FHIT: variants seen among roughly 807,000 people sequenced by gnomAD.
FHIT encodes the protein fragile histidine triad diadenosine triphosphatase.
In FHIT, 19 loss-of-function variants were observed where a neutral mutation model predicts 17.9. The ratio of observed to expected loss-of-function variants is 1.06; its 90% CI spans 0.74 to 1.56. FHIT has a LOEUF of 1.56. Among genes scored for constraint, FHIT ranks in the 40% most tolerant of loss-of-function variants. FHIT has a pLI of 0.00. For missense variants in FHIT, 248 were observed against 189.2 expected (o/e 1.31, Z -1.82); for synonymous variants, 81 against 69.7 (o/e 1.16, Z -0.81).
intron 7 of FHIT, among the ~76,000 whole-genome samples, chr3:59,942,466 G>A (rs1472055949): frequency 6.6e-6 from 1 of 152,112 alleles, no homozygotes; most frequent in African/African-American, 2.4e-5. Flanking sequence ...CCAAGAGTGA[G>A]GTTGGTAAAA....
intron 3 of FHIT, among the ~76,000 whole-genome samples, chr3:60,980,265 C>A (rs1311266817): frequency 6.6e-6 from 1 of 152,194 alleles, no homozygotes; most frequent in East Asian, 1.9e-4. Flanking sequence ...AACACAACAT[C>A]TTTTCTGTCC....
At chr3:59,968,093 T>C (rs998600621) in intron 7 of FHIT, among the ~76,000 whole-genome samples, 6 of 152,010 alleles carry the variant, frequency 3.9e-5, no homozygotes, top group Non-Finnish European at 7.4e-5. Context: ...TTTACCAATA[T>C]GGAGGAACAC....
intron 5 of FHIT, among the ~76,000 whole-genome samples, chr3:60,085,061 G>A (rs1032341568): frequency 5.0e-4 from 76 of 152,080 alleles, no homozygotes; most frequent in African/African-American, 1.6e-3. Flanking sequence ...GCTCCCTGTC[G>A]CCATGTTTGT....
intron 5 of FHIT, among the ~76,000 whole-genome samples, chr3:60,440,252 G>C (rs1002112923): frequency 6.6e-6 from 1 of 152,042 alleles, no homozygotes; most frequent in Non-Finnish European, 1.5e-5. Flanking sequence ...CCAGTCATCA[G>C]TTCCCAAGAC....
chr3:61,162,135 T>A (rs148862961), intron 2 of FHIT, among the ~76,000 whole-genome samples: 1 of 152,220 alleles, frequency 6.6e-6, no homozygotes. Flanking sequence ...CAAATGATTA[T>A]CCTTCTTTTA....
At chr3:60,493,543 T>C (rs554520030) in intron 5 of FHIT, among the ~76,000 whole-genome samples, 2 of 152,322 alleles carry the variant, frequency 1.3e-5, no homozygotes, top group East Asian at 3.9e-4. Context: ...TAAAGAAGTG[T>C]GCTTACATTT....
At chr3:61,014,045 C>T (rs2031940761) in intron 3 of FHIT, among the ~76,000 whole-genome samples, 1 of 152,066 alleles carries the variant, frequency 6.6e-6, no homozygotes, top group Admixed American at 6.5e-5. Flanking sequence ...AGAAGAATCA[C>T]AGGAAGGGAT....
At chr3:60,521,906 G>A (rs2035382605) in intron 5 of FHIT, among the ~76,000 whole-genome samples, 1 of 152,102 alleles carries the variant, frequency 6.6e-6, no homozygotes. Flanking sequence ...ACAGGACTGA[G>A]AGAGCCTTGT....
chr3:60,017,360 A>G (rs1700382765), intron 5 of FHIT, among the ~76,000 whole-genome samples: 1 of 152,154 alleles, frequency 6.6e-6, no homozygotes, highest in African/African-American at 2.4e-5. Context: ...AAGGGGGGAG[A>G]GTACCAGCTT....
At chr3:60,956,759 A>T (rs34894181) in intron 3 of FHIT, among the ~76,000 whole-genome samples, 29,347 of 152,224 alleles carry the variant, frequency 0.19, 3,255 homozygotes, top group Middle Eastern at 0.29. Flanking sequence ...TACAACAAAG[A>T]GAACTCATGC....
intron 2 of FHIT, among the ~76,000 whole-genome samples, chr3:61,193,059 C>T (rs1283976919): frequency 6.6e-6 from 1 of 152,202 alleles, no homozygotes; most frequent in Non-Finnish European, 1.5e-5. Context: ...CCACCAATCC[C>T]CTAAATCCAG....
chr3:60,053,440 G>A (rs1380218020), intron 5 of FHIT, among the ~76,000 whole-genome samples: 1 of 149,864 alleles, frequency 6.7e-6, no homozygotes, highest in African/African-American at 2.5e-5. Context: ...GAAATCTTAA[G>A]TTAGTATTTT....
chr3:60,237,602 G>A (rs964956519), intron 5 of FHIT, among the ~76,000 whole-genome samples: 2 of 152,014 alleles, frequency 1.3e-5, no homozygotes, highest in African/African-American at 4.8e-5. Flanking sequence ...AGTGAGGCAG[G>A]CCACCCAAGA....
At chr3:60,496,170 G>T (rs2034292106) in intron 5 of FHIT, among the ~76,000 whole-genome samples, 1 of 151,834 alleles carries the variant, frequency 6.6e-6, no homozygotes. Flanking sequence ...AGTATCAAAG[G>T]CACTATCCCC....
chr3:60,020,471 A>G (rs966726439), intron 5 of FHIT, among the ~76,000 whole-genome samples: 2 of 152,226 alleles, frequency 1.3e-5, no homozygotes, highest in African/African-American at 4.8e-5. Context: ...TCAAAATATC[A>G]CTGATTTTGA....
At chr3:60,063,285 A>AT (rs1310226992) in intron 5 of FHIT, among the ~76,000 whole-genome samples, 2 of 152,172 alleles carry the variant, frequency 1.3e-5, no homozygotes, top group African/African-American at 2.4e-5. Flanking sequence ...AATACGGTAA[A>AT]TTTTTTGACA....
chr3:60,875,381 G>T (rs1157877041), intron 3 of FHIT, among the ~76,000 whole-genome samples: 2 of 152,024 alleles, frequency 1.3e-5, no homozygotes, highest in Non-Finnish European at 2.9e-5. Flanking sequence ...TAATTGAATG[G>T]CTGCCCATCA....
intron 5 of FHIT, among the ~76,000 whole-genome samples, chr3:60,366,160 A>C (rs1700100080): frequency 6.6e-6 from 1 of 152,166 alleles, no homozygotes; most frequent in Non-Finnish European, 1.5e-5. Flanking sequence ...TGGTAAAAGG[A>C]AAAAGGCGCT....
chr3:59,756,439 G>A (rs1240970930), intron 8 of FHIT, among the ~76,000 whole-genome samples: 1 of 152,084 alleles, frequency 6.6e-6, no homozygotes, highest in Non-Finnish European at 1.5e-5. Context: ...TGTGGTGGAG[G>A]TCAAAGGTAG....
Sources: allele counts gnomAD v4.1 joint callset (sites outside exome capture counted in the v4.1 genomes callset), GRCh38; gene constraint gnomAD v4.1.1; transcripts MANE v1.5; gene names NCBI Gene and HGNC (gene_info 2026-07-23, HGNC 2026-07-21).